The following DENND1A variants were observed in gnomAD, a reference collection of about 807,000 sequenced individuals.
DENND1A encodes the protein DENN domain containing 1A, also known as DENN domain-containing protein 1A.
A neutral mutation model predicts 113.7 loss-of-function variants in DENND1A; 51 were observed. The ratio of observed to expected loss-of-function variants is 0.45; its 90% CI spans 0.36 to 0.57. DENND1A has a LOEUF of 0.57. DENND1A is among the 20% of genes least tolerant of loss of function. DENND1A has a pLI of 0.00. For missense variants in DENND1A, 1,258 were observed against 1,395.9 expected, an observed-to-expected ratio of 0.90 and a Z score of 1.57; for synonymous variants, 565 against 570.8, an observed-to-expected ratio of 0.99 and a Z score of 0.14.
intron 13 of DENND1A, among the ~76,000 whole-genome samples, chr9:123,498,848 C>A (rs375526927): frequency 2.0e-5 from 3 of 151,822 alleles, no homozygotes; most frequent in African/African-American, 4.8e-5. Flanking sequence ...TCAGCCTCTC[C>A]AGTAGCTGGG....
Position 123,598,187 on chromosome 9 carries a change from G to A in DENND1A, c.765+11249C>T, listed in dbSNP as rs576959253. On this transcript the variant is annotated intron_variant, in intron 11 of 23. Transcript: ENST00000394215. ...GTGCAATAAGCCTGACCCTACACAG[G>A]TGACTCTCCCGGTGCTTATCACCAG... Among the ~76,000 whole-genome samples the A allele has an allele frequency of 9.2e-5, 14 of 152,234 alleles. No individual in the cohort carries two copies. In the South Asian group the frequency reaches 2.9e-3, roughly 32 times the overall value.
At chr9:123,555,028 C>T (rs80276609) in intron 13 of DENND1A, among the ~76,000 whole-genome samples, 3,154 of 152,288 alleles carry the variant, frequency 0.021, 68 homozygotes, top group East Asian at 0.062. Context: ...ACTGTGAACA[C>T]CTTGGCATTA....
At chr9:123,700,143 G>A (rs1050295599) in intron 5 of DENND1A, among the ~76,000 whole-genome samples, 4 of 152,158 alleles carry the variant, frequency 2.6e-5, no homozygotes, top group Non-Finnish European at 5.9e-5. Flanking sequence ...CTCAATTACT[G>A]TAGCTCTACA....
intron 13 of DENND1A, among the ~76,000 whole-genome samples, chr9:123,535,414 C>A (rs1473993482): frequency 6.6e-6 from 1 of 152,120 alleles, no homozygotes; most frequent in Admixed American, 6.5e-5. Context: ...CCACTGCACT[C>A]CAGCCTGGGT....
At chr9:123,412,954 T>C (rs58325975) in intron 19 of DENND1A, among the ~76,000 whole-genome samples, 69,152 of 152,122 alleles carry the variant, frequency 0.45, 16,641 homozygotes, top group African/African-American at 0.63. Context: ...GAGGCCAAGG[T>C]GGGCGGACCA....
intron 12 of DENND1A, among the ~76,000 whole-genome samples, chr9:123,568,067 T>A (rs1252667087): frequency 2.0e-5 from 3 of 152,142 alleles, no homozygotes; most frequent in Admixed American, 6.5e-5. Flanking sequence ...AGACCTGACA[T>A]GGAATGAGAC....
chr9:123,425,352 C>T (rs1260191111), intron 19 of DENND1A, among the ~76,000 whole-genome samples: 3 of 152,258 alleles, frequency 2.0e-5, no homozygotes, highest in South Asian at 2.1e-4. Context: ...TCTGGCCAGT[C>T]CTTTGGCAGA....
intron 3 of DENND1A, among the ~76,000 whole-genome samples, chr9:123,788,300 T>C (rs1832498358): frequency 6.6e-6 from 1 of 152,164 alleles, no homozygotes; most frequent in Non-Finnish European, 1.5e-5. Context: ...TATCTCTTAA[T>C]TTCAAACCAT....
chr9:123,411,665 C>T lies in DENND1A; in HGVS notation c.1542+111G>A, dbSNP rs900100099. 56 of 720,238 alleles carry T rather than the reference C, an allele frequency of 7.8e-5. 1 individual carries two copies. The highest frequency in any genetic ancestry group is 2.4e-5 in the Non-Finnish European group (14 of 587,528). The allele number at this position is 720,238 out of a possible 1,614,324, so 44.6% of individuals were successfully genotyped here. A position where few individuals can be genotyped will look rare whatever the true frequency, so the allele number is the denominator to read the frequency against. On this transcript the variant is annotated intron_variant, in intron 20 of 23. Coordinates refer to ENST00000394215, the MANE Select transcript of DENND1A (RefSeq NM_001352964.2). ...AGAGGGAAGCTGAAAAACCCAATTC[C>T]CAGTTTTCTTTTGCCAGGCAGGAGG...
At chr9:123,541,539 G>T (rs1393659675) in intron 13 of DENND1A, among the ~76,000 whole-genome samples, 1 of 152,196 alleles carries the variant, frequency 6.6e-6, no homozygotes. Flanking sequence ...GCAAAGAAAA[G>T]TCCCAAGCAA....
At chr9:123,402,504 A>G (rs1355776627) in intron 21 of DENND1A, 4 of 534,694 alleles carry the variant, frequency 7.5e-6, no homozygotes, top group African/African-American at 1.9e-5. Context: ...AGAGCCAGAC[A>G]GACATGGGGG....
chr9:123,391,312 TGTG>T (rs746952926), intron 21 of DENND1A, among the ~76,000 whole-genome samples: 14 of 152,244 alleles, frequency 9.2e-5, no homozygotes, highest in Non-Finnish European at 1.9e-4. Flanking sequence ...TGTCATCTGA[TGTG>T]GTCAGATCAG....
At chr9:123,881,178 A>T (rs1848261756) in intron 1 of DENND1A, among the ~76,000 whole-genome samples, 1 of 152,190 alleles carries the variant, frequency 6.6e-6, no homozygotes, top group African/African-American at 2.4e-5. Flanking sequence ...TATCTTACTT[A>T]AAAAAATTAA....
intron 2 of DENND1A, among the ~76,000 whole-genome samples, chr9:123,801,444 C>T (rs578055390): frequency 6.6e-6 from 1 of 152,282 alleles, no homozygotes; most frequent in South Asian, 2.1e-4. Context: ...TTCATGATGT[C>T]GCATGTGTCA....
intron 12 of DENND1A, among the ~76,000 whole-genome samples, chr9:123,567,090 T>G (rs985350488): frequency 6.6e-6 from 1 of 152,216 alleles, no homozygotes; most frequent in African/African-American, 2.4e-5. Flanking sequence ...CATGCATGTA[T>G]GCATACACAT....
chr9:123,673,087 T>C (rs1055884459), intron 6 of DENND1A, among the ~76,000 whole-genome samples: 8 of 152,240 alleles, frequency 5.3e-5, no homozygotes, highest in African/African-American at 1.9e-4. Context: ...AGAATAACTT[T>C]CAATTGTCTA....
At chr9:123,563,700 T>C (rs2057891846) in intron 12 of DENND1A, among the ~76,000 whole-genome samples, 3 of 152,194 alleles carry the variant, frequency 2.0e-5, no homozygotes, top group African/African-American at 7.2e-5. Flanking sequence ...CAAGAGGTTA[T>C]ATCATGTCAT....
chr9:123,539,408 T>TA (rs113496304), intron 13 of DENND1A, among the ~76,000 whole-genome samples: 7 of 152,160 alleles, frequency 4.6e-5, no homozygotes, highest in Admixed American at 2.0e-4. Context: ...CATATATTTT[T>TA]AAAACAGAAA....
intron 2 of DENND1A, among the ~76,000 whole-genome samples, chr9:123,844,318 T>A (rs1266924120): frequency 6.6e-6 from 1 of 152,012 alleles, no homozygotes; most frequent in African/African-American, 2.4e-5. Context: ...ACAAAGAAAA[T>A]CCTAAGAAAT....
Sources: allele counts gnomAD v4.1 joint callset (sites outside exome capture counted in the v4.1 genomes callset), GRCh38; gene constraint gnomAD v4.1.1; transcripts MANE v1.5; gene names NCBI Gene and HGNC (gene_info 2026-07-23, HGNC 2026-07-21).